Variants in CREB5 observed in about 807,000 individuals in gnomAD.
CREB5 encodes cyclic AMP-responsive element-binding protein 5.
Under a neutral mutation model 57.1 loss-of-function variants are expected in CREB5, and 19 were observed. That is an observed-to-expected ratio of 0.33 (90% CI 0.23 to 0.49). CREB5 has a LOEUF of 0.49. Ranked by LOEUF, CREB5 falls within the 20% of genes least tolerant of loss-of-function variation. CREB5 has a pLI of 0.99. For missense variants in CREB5, 579 were observed against 671.6 expected (o/e 0.86, Z 1.52); for synonymous variants, 238 against 238.3 (o/e 1.00, Z 0.01).
At chr7:28,810,336 A>G (rs565935125) in intron 9 of CREB5, among the ~76,000 whole-genome samples, 69 of 152,274 alleles carry the variant, frequency 4.5e-4, no homozygotes, top group African/African-American at 1.5e-3. Flanking sequence ...GAGAATGGCC[A>G]AAGAGAGTGG....
chr7:28,357,898 T>TG (rs1220931690), intron 1 of CREB5, among the ~76,000 whole-genome samples: 1 of 152,116 alleles, frequency 6.6e-6, no homozygotes, highest in Non-Finnish European at 1.5e-5. Context: ...AAGGGTATTT[T>TG]GGGGTGTTAT....
At chr7:28,684,534 A>G (rs940813543) in intron 5 of CREB5, among the ~76,000 whole-genome samples, 2 of 152,368 alleles carry the variant, frequency 1.3e-5, no homozygotes, top group Non-Finnish European at 2.9e-5. Context: ...TTTAAATTCC[A>G]GGGGATTCAG....
intron 5 of CREB5, among the ~76,000 whole-genome samples, chr7:28,635,730 C>G (rs1443241211): frequency 2.0e-5 from 3 of 152,196 alleles, no homozygotes; most frequent in Non-Finnish European, 4.4e-5. Flanking sequence ...TTTCGGTTCC[C>G]CTAGGTCTTT....
intron 5 of CREB5, among the ~76,000 whole-genome samples, chr7:28,627,893 T>C (rs1203100254): frequency 6.6e-6 from 1 of 152,150 alleles, no homozygotes; most frequent in Admixed American, 6.5e-5. Context: ...CAGAGGCTAT[T>C]GTTATGGTGT....
At chr7:28,677,857 C>G (rs908200957) in intron 5 of CREB5, among the ~76,000 whole-genome samples, 1 of 151,890 alleles carries the variant, frequency 6.6e-6, no homozygotes, top group African/African-American at 2.4e-5. Flanking sequence ...CCACTTCACT[C>G]CAGCCTGGGC....
At chr7:28,677,441 T>C (rs1246996817) in intron 5 of CREB5, among the ~76,000 whole-genome samples, 1 of 152,180 alleles carries the variant, frequency 6.6e-6, no homozygotes, top group Admixed American at 6.5e-5. Flanking sequence ...CACTGACTGA[T>C]GTTTGCTGGT....
rs1038126533 is a variant in CREB5 at position 28,337,960 on chromosome 7, A to C, written c.-25+38519A>C. Among the ~76,000 whole-genome samples, 16 of 152,170 alleles carry C rather than the reference A, an allele frequency of 1.1e-4. 1 individual carries two copies. The highest frequency in any genetic ancestry group is 1.8e-4 in the Non-Finnish European group (12 of 67,998). Reference sequence around the variant, plus strand: ...CTGATGACAACTTAATAATGACTGCATAAACAAACTAAAAAACAAGCAAAA... The same window carrying C: ...CTGATGACAACTTAATAATGACTGCCTAAACAAACTAAAAAACAAGCAAAA... On this transcript the variant is annotated intron_variant, in intron 1 of 9. Coordinates refer to the CREB5 transcript ENST00000396299.
In CREB5 at chr7:28,621,111, G is replaced by A. The variant is rs138051789; in HGVS notation, c.464+50574G>A. Among the ~76,000 whole-genome samples, 520 of 151,704 alleles carry A rather than the reference G, an allele frequency of 3.4e-3. 3 individuals are homozygous for A. Among genetic ancestry groups the A allele is most frequent in the African/African-American group, 0.012 (486 of 41,326 alleles). ...TGGCCTTGGAATTGTGCAGTGAGAC[G>A]AGGACAGCCCCTTGAGACATCCAGA... On this transcript the variant is annotated intron_variant, in intron 5 of 10. Coordinates refer to ENST00000357727, the MANE Select transcript of CREB5 (RefSeq NM_182898.4).
At chr7:28,560,883 CGT>C (rs1254268339) in intron 4 of CREB5, among the ~76,000 whole-genome samples, 527 of 17,196 alleles carry the variant, frequency 0.031, 62 homozygotes, top group South Asian at 0.073. Context: ...CGCGTGCGTG[CGT>C]GCGTGTGTGT....
At chr7:28,392,211 C>A (rs1787231879) in intron 1 of CREB5, among the ~76,000 whole-genome samples, 1 of 152,094 alleles carries the variant, frequency 6.6e-6, no homozygotes, top group Admixed American at 6.5e-5. Flanking sequence ...AGCTGTACAA[C>A]AAAACTCTGT....
intron 1 of CREB5, among the ~76,000 whole-genome samples, chr7:28,367,113 C>T (rs900075916): frequency 6.6e-6 from 1 of 152,162 alleles, no homozygotes; most frequent in African/African-American, 2.4e-5. Flanking sequence ...TTGTGAGTTC[C>T]TTTGCTGGCG....
At chr7:28,472,686 C>T (rs188752714) in intron 1 of CREB5, among the ~76,000 whole-genome samples, 114 of 152,294 alleles carry the variant, frequency 7.5e-4, no homozygotes, top group African/African-American at 2.4e-3. Context: ...GCCTTTAACC[C>T]TCCCAGGATC....
At chr7:28,560,903 CGCGTGCGTGT>C (rs1795165028) in intron 4 of CREB5, among the ~76,000 whole-genome samples, 1 of 26,132 alleles carries the variant, frequency 3.8e-5, no homozygotes, top group African/African-American at 1.5e-4. Flanking sequence ...TGTGCGTGCG[CGCGTGCGTGT>C]GCGTGTGTGC....
chr7:28,582,801 C>T (rs1049021760), intron 5 of CREB5, among the ~76,000 whole-genome samples: 1 of 152,128 alleles, frequency 6.6e-6, no homozygotes, highest in Admixed American at 6.5e-5. Flanking sequence ...GAAAGTTAGA[C>T]GGCAGACCCC....
chr7:28,417,815 A>T (rs906250887), intron 1 of CREB5, among the ~76,000 whole-genome samples: 1 of 152,234 alleles, frequency 6.6e-6, no homozygotes, highest in Non-Finnish European at 1.5e-5. Context: ...ACACATATTT[A>T]AGAAAATATA....
rs181016359 is a variant in CREB5 at position 28,321,233 on chromosome 7, C to A, written c.-25+21792C>A. Reference sequence around the variant, plus strand: ...CCTCTTCATCCTCTTTTTTTTTGTACCCTTCATCCTCCTCTTCTTTTTCCT... The same window carrying A: ...CCTCTTCATCCTCTTTTTTTTTGTAACCTTCATCCTCCTCTTCTTTTTCCT... On this transcript the variant is annotated intron_variant, in intron 1 of 9. Transcript: ENST00000396299. 3.3e-3 allele frequency among the ~76,000 whole-genome samples: 495 copies of A among 151,546 alleles called. 2 individuals carry two copies. Among genetic ancestry groups the A allele is most frequent in the Non-Finnish European group, 5.1e-3 (343 of 67,860 alleles).
At chr7:28,452,419 A>C (rs1162288791) in intron 1 of CREB5, among the ~76,000 whole-genome samples, 1 of 152,240 alleles carries the variant, frequency 6.6e-6, no homozygotes, top group South Asian at 2.1e-4. Context: ...CCTAAATGTA[A>C]TATAACAAAG....
intron 4 of CREB5, among the ~76,000 whole-genome samples, chr7:28,569,331 CT>C (rs1199396685): frequency 1.3e-5 from 2 of 152,046 alleles, no homozygotes; most frequent in Non-Finnish European, 2.9e-5. Context: ...ACCGCTTTCT[CT>C]TTCTTTATTG....
chr7:28,619,055 C>T (rs1465121065), intron 5 of CREB5, among the ~76,000 whole-genome samples: 3 of 152,188 alleles, frequency 2.0e-5, no homozygotes, highest in Non-Finnish European at 2.9e-5. Flanking sequence ...ATAAAAATAG[C>T]CACTCTCATT....
Sources: allele counts gnomAD v4.1 joint callset (sites outside exome capture counted in the v4.1 genomes callset), GRCh38; gene constraint gnomAD v4.1.1; transcripts MANE v1.5; gene names NCBI Gene and HGNC (gene_info 2026-07-23, HGNC 2026-07-21).